The following RPS6KA2 variants were observed in gnomAD, a reference collection of about 807,000 sequenced individuals.
RPS6KA2 encodes the protein ribosomal protein S6 kinase A2.
RPS6KA2 carries 42 observed loss-of-function variants against 91.8 expected under a neutral mutation model. The observed-to-expected ratio is 0.46, with a 90% CI of 0.36 to 0.59. The LOEUF (loss-of-function observed/expected upper bound fraction) is 0.59, where lower values mean the gene tolerates loss of function less well. RPS6KA2 is among the 20% of genes least tolerant of loss of function. The pLI, the probability that RPS6KA2 is intolerant of heterozygous loss-of-function variation, is 0.00. For synonymous variants in RPS6KA2, 414 were observed against 393.6 expected (o/e 1.05, Z -0.61); for missense variants, 798 against 978.5 (o/e 0.82, Z 2.46).
At chr6:166,558,821 A>G (rs1056453134) in intron 1 of RPS6KA2, among the ~76,000 whole-genome samples, 2 of 152,192 alleles carry the variant, frequency 1.3e-5, no homozygotes, top group Admixed American at 1.3e-4. Context: ...GGACACGTGA[A>G]CCCATGATGA....
At chr6:166,862,516 T>C (rs1781072258) in exon 1 of RPS6KA2, 2 of 440,406 alleles carry the variant, frequency 4.5e-6, no homozygotes, top group African/African-American at 2.0e-5. Flanking sequence ...TACTGCGACT[T>C]TGGCAGAGTA....
intron 2 of RPS6KA2, among the ~76,000 whole-genome samples, chr6:166,724,948 G>A (rs1018498049): frequency 1.3e-5 from 2 of 151,904 alleles, no homozygotes; most frequent in African/African-American, 2.4e-5. Flanking sequence ...CTTTGTATTC[G>A]ACTTCTCAAG....
chr6:166,551,526 G>A (rs1784022894), intron 1 of RPS6KA2, among the ~76,000 whole-genome samples: 1 of 152,212 alleles, frequency 6.6e-6, no homozygotes, highest in Admixed American at 6.5e-5. Flanking sequence ...AATGATGTCA[G>A]AGGTAACGTG....
intron 2 of RPS6KA2, among the ~76,000 whole-genome samples, chr6:166,742,951 C>G (rs963896848): frequency 6.6e-6 from 1 of 152,200 alleles, no homozygotes; most frequent in Non-Finnish European, 1.5e-5. Context: ...CATCCACCTA[C>G]CAGAGAGCAG....
intron 2 of RPS6KA2, among the ~76,000 whole-genome samples, chr6:166,744,662 C>T (rs1175110006): frequency 6.6e-6 from 1 of 152,214 alleles, no homozygotes; most frequent in African/African-American, 2.4e-5. Flanking sequence ...CCCTTCAGAC[C>T]TCTGCAACAT....
Position 166,495,282 on chromosome 6 carries a change from GC to G in RPS6KA2, c.747+3225del, listed in dbSNP as rs950736194. Among the ~76,000 whole-genome samples the G allele has an allele frequency of 2.6e-5, 4 of 152,140 alleles. No homozygotes were observed. Among genetic ancestry groups the G allele is most frequent in the Admixed American group, 2.6e-4 (4 of 15,304 alleles). On this transcript the variant is annotated intron_variant, in intron 8 of 20. Coordinates refer to ENST00000265678, the MANE Select transcript of RPS6KA2 (RefSeq NM_021135.6). The surrounding 1 kb of genome is among the most constrained non-coding windows in gnomAD (Gnocchi z 4.4). ...CTTGTGGTCACCACGGCAACAGCCA[GC>G]CCTGCCTCGGGCTCGAGAGTGACAC...
intron 2 of RPS6KA2, among the ~76,000 whole-genome samples, chr6:166,711,727 T>C (rs1789860170): frequency 6.7e-6 from 1 of 150,264 alleles, no homozygotes. Flanking sequence ...AAGAGCAGCA[T>C]AAACCCAAAG....
Position 166,648,269 on chromosome 6 carries a change from TACAC to T in RPS6KA2, c.124-109489_124-109486del, listed in dbSNP as rs555137902. ...ACACAGGCACACACACTCATGTTCATACACACGCATGCACACAGTATGCACACAC... is the reference window on the plus strand; with the variant it reads ...ACACAGGCACACACACTCATGTTCATACGCATGCACACAGTATGCACACAC... On this transcript the variant is annotated intron_variant, in intron 2 of 21. Coordinates refer to the RPS6KA2 transcript ENST00000503859. This position sits in a 1 kb window ranked among gnomAD's most constrained non-coding sequence, Gnocchi z 4.8. Among the ~76,000 whole-genome samples the T allele has an allele frequency of 1.7e-3, 254 of 151,142 alleles. 2 individuals carry two copies. Among genetic ancestry groups the T allele is most frequent in the African/African-American group, 5.7e-3 (233 of 41,128 alleles).
chr6:166,594,296 G>T (rs973972305), intron 1 of RPS6KA2, among the ~76,000 whole-genome samples: 9 of 152,060 alleles, frequency 5.9e-5, no homozygotes, highest in Admixed American at 5.9e-4. Flanking sequence ...TTTAACAAGG[G>T]TCATTCTAAA....
intron 1 of RPS6KA2, among the ~76,000 whole-genome samples, chr6:166,599,895 T>A (rs1785668065): frequency 1.3e-5 from 2 of 152,058 alleles, no homozygotes; most frequent in African/African-American, 4.8e-5. Context: ...GAAGCCACCA[T>A]CTCCCTGAGC....
At chr6:166,748,570 C>A (rs1791109309) in intron 2 of RPS6KA2, among the ~76,000 whole-genome samples, 1 of 118,364 alleles carries the variant, frequency 8.4e-6, no homozygotes, top group Non-Finnish European at 1.8e-5. Flanking sequence ...CTCCTCAGGC[C>A]CCCACCTCCT....
chr6:166,717,845 CT>C (rs1583046532), intron 2 of RPS6KA2, among the ~76,000 whole-genome samples: 1 of 145,818 alleles, frequency 6.9e-6, no homozygotes, highest in African/African-American at 2.6e-5. Flanking sequence ...CTTTTTTCTT[CT>C]TTTCTTTCTT....
intron 2 of RPS6KA2, among the ~76,000 whole-genome samples, chr6:166,654,715 A>G (rs6932695): frequency 6.6e-6 from 1 of 152,168 alleles, no homozygotes; most frequent in Non-Finnish European, 1.5e-5. Context: ...GCTCTGTAGA[A>G]TGTTTCATAG....
chr6:166,818,634 G>T (rs1335786660), intron 2 of RPS6KA2, among the ~76,000 whole-genome samples: 1 of 152,108 alleles, frequency 6.6e-6, no homozygotes, highest in African/African-American at 2.4e-5. Flanking sequence ...AGAGACCGTT[G>T]CCTGTGCTTG....
intron 1 of RPS6KA2, among the ~76,000 whole-genome samples, chr6:166,859,282 G>A (rs1328430439): frequency 6.6e-6 from 1 of 152,120 alleles, no homozygotes; most frequent in East Asian, 1.9e-4. Flanking sequence ...TCCTCCAAGA[G>A]AACACAAATA....
chr6:166,599,647 T>G (rs1253830114), intron 1 of RPS6KA2, among the ~76,000 whole-genome samples: 1 of 152,082 alleles, frequency 6.6e-6, no homozygotes, highest in Non-Finnish European at 1.5e-5. Flanking sequence ...ACGCATGAAT[T>G]TAAGAACAAA....
At chr6:166,450,296 C>T (rs796380193) in intron 13 of RPS6KA2, among the ~76,000 whole-genome samples, 36 of 143,284 alleles carry the variant, frequency 2.5e-4, no homozygotes, top group African/African-American at 6.0e-4. Flanking sequence ...GGAACCACCA[C>T]GGGGACCACC....
rs145732336 is a variant in RPS6KA2, at chr6:166,657,201, C to T, written c.124-118417G>A. Among the ~76,000 whole-genome samples the T allele has an allele frequency of 1.2e-3, 182 of 152,082 alleles. 1 individual carries two copies. Among genetic ancestry groups the T allele is most frequent in the African/African-American group, 4.0e-3 (166 of 41,506 alleles). On this transcript the variant is annotated intron_variant, in intron 2 of 21. Coordinates refer to the RPS6KA2 transcript ENST00000503859. ...CTAGGAAACCCACTGCCTGGGCGGG[C>T]GAGGGCATTTCTTTCTGTTTGGAAA...
At chr6:166,609,393 A>G (rs1786077587) in intron 1 of RPS6KA2, among the ~76,000 whole-genome samples, 1 of 151,610 alleles carries the variant, frequency 6.6e-6, no homozygotes, top group African/African-American at 2.4e-5. Flanking sequence ...GATTCTCATT[A>G]TTTTTCTATG....
Sources: allele counts gnomAD v4.1 joint callset (sites outside exome capture counted in the v4.1 genomes callset), GRCh38; gene constraint gnomAD v4.1.1; non-coding constraint Gnocchi (gnomAD v3.1); transcripts MANE v1.5; gene names NCBI Gene and HGNC (gene_info 2026-07-23, HGNC 2026-07-21).